Variants in PTPRD observed in about 807,000 individuals in gnomAD.
PTPRD encodes the protein protein tyrosine phosphatase receptor type D.
PTPRD carries 34 observed loss-of-function variants against 214.5 expected under a neutral mutation model. That is an observed-to-expected ratio of 0.16 (90% CI 0.12 to 0.21). The LOEUF is 0.21. Ranked by LOEUF, PTPRD falls within the 10% of genes least tolerant of loss-of-function variation. The probability of loss-of-function intolerance (pLI) is 1.00; values close to 1 mark genes in which losing one functional copy is unlikely to be tolerated. For synonymous variants in PTPRD, 1,128 were observed against 845.7 expected (o/e 1.33, Z -5.79); for missense variants, 2,545 against 2,398.7 (o/e 1.06, Z -1.27).
chr9:8,996,864 G>T (rs2099398882), intron 11 of PTPRD, among the ~76,000 whole-genome samples: 2 of 151,982 alleles, frequency 1.3e-5, no homozygotes. Flanking sequence ...ATAACATTTG[G>T]ACCATAGCAG....
At chr9:10,380,731 T>A (rs886701477) in intron 2 of PTPRD, among the ~76,000 whole-genome samples, 1 of 151,958 alleles carries the variant, frequency 6.6e-6, no homozygotes, top group Admixed American at 6.6e-5. Flanking sequence ...AACATAACCA[T>A]AGAAAAATTA....
At chr9:9,470,825 T>C (rs2146477967) in intron 8 of PTPRD, among the ~76,000 whole-genome samples, 1 of 152,304 alleles carries the variant, frequency 6.6e-6, no homozygotes, top group East Asian at 1.9e-4. Flanking sequence ...CTGTCTCAAA[T>C]GCTAACTTAT....
At chr9:9,429,390 G>C (rs2082194242) in intron 8 of PTPRD, among the ~76,000 whole-genome samples, 1 of 152,148 alleles carries the variant, frequency 6.6e-6, no homozygotes, top group African/African-American at 2.4e-5. Flanking sequence ...AGCAGGCTCT[G>C]AAATTGAGGC....
At chr9:9,237,712 C>T (rs1014549985) in intron 9 of PTPRD, among the ~76,000 whole-genome samples, 1 of 151,880 alleles carries the variant, frequency 6.6e-6, no homozygotes, top group African/African-American at 2.4e-5. Flanking sequence ...TTTTGTAGGC[C>T]TCTCTCTTCT....
At position 8,528,727 on chromosome 9, in the gene PTPRD, C is replaced by T. The variant is rs373979534; in HGVS notation, c.405G>A (p.Lys135=). ...FPTIDMGPQL[K]VVERTRTATM... ...TGGCCGTGCGAGTACGCTCAACCAC[C>T]TTCAACTGTGGGCCCATGTCAATGG... is the stretch of plus-strand genomic sequence containing the variant. The change falls in exon 15 of 46, where the codon AAG becomes AAA. Residue 135 remains lysine, a synonymous_variant. Transcript: ENST00000381196. 8.1e-6 allele frequency: 13 copies of T among 1,613,486 alleles called. No individual in the cohort carries two copies. The highest frequency in any genetic ancestry group is 1.0e-5 in the Non-Finnish European group (12 of 1,179,718).
intron 5 of PTPRD, among the ~76,000 whole-genome samples, chr9:9,928,048 G>T (rs10733554): frequency 0.57 from 85,870 of 151,924 alleles, 27,343 homozygotes; most frequent in East Asian, 0.91. Context: ...TGTGAACAAC[G>T]TTTCATCTTC....
At chr9:9,432,395 TA>T (rs1375996631) in intron 8 of PTPRD, among the ~76,000 whole-genome samples, 2 of 152,160 alleles carry the variant, frequency 1.3e-5, no homozygotes, top group Non-Finnish European at 2.9e-5. Context: ...CCAAAGGAAC[TA>T]AAAGACAAAC....
At chr9:8,687,490 T>A (rs376961757) in intron 12 of PTPRD, among the ~76,000 whole-genome samples, 2 of 152,184 alleles carry the variant, frequency 1.3e-5, no homozygotes, top group African/African-American at 4.8e-5. Flanking sequence ...CTGTGAGGCT[T>A]CTTGCACTTG....
intron 21 of PTPRD, among the ~76,000 whole-genome samples, chr9:8,511,911 C>G (rs1283910883): frequency 6.6e-6 from 1 of 151,936 alleles, no homozygotes; most frequent in African/African-American, 2.4e-5. Context: ...AAAGCAACTC[C>G]AAGACAAGGG....
intron 9 of PTPRD, among the ~76,000 whole-genome samples, chr9:9,282,391 TAAGA>T (rs1364901574): frequency 1.3e-5 from 2 of 151,376 alleles, no homozygotes; most frequent in Non-Finnish European, 3.0e-5. Flanking sequence ...AAATCTGCTC[TAAGA>T]AATACCTTCT....
chr9:9,224,575 C>G (rs577848356), intron 9 of PTPRD, among the ~76,000 whole-genome samples: 2 of 151,944 alleles, frequency 1.3e-5, no homozygotes, highest in African/African-American at 4.8e-5. Context: ...AAAATTTAAA[C>G]TAAAGTCATT....
At chr9:9,489,577 G>A (rs1290126984) in intron 8 of PTPRD, among the ~76,000 whole-genome samples, 1 of 151,974 alleles carries the variant, frequency 6.6e-6, no homozygotes, top group Non-Finnish European at 1.5e-5. Flanking sequence ...AACCTAAAAC[G>A]AAACCTAAAA....
chr9:9,581,544 C>T, intron 7 of PTPRD, among the ~76,000 whole-genome samples: 1 of 152,022 alleles, frequency 6.6e-6, no homozygotes, highest in East Asian at 1.9e-4. Flanking sequence ...TAGACTGTTT[C>T]AGTAAAACCT....
At chr9:8,507,147 G>C (rs1437526967) in intron 22 of PTPRD, among the ~76,000 whole-genome samples, 154 bp downstream of exon 22, 1 of 152,036 alleles carries the variant, frequency 6.6e-6, no homozygotes, top group Non-Finnish European at 1.5e-5. Context: ...TTTCTTGGGG[G>C]GGAGGGGGAG....
At chr9:9,691,079 C>T (rs1247891423) in intron 7 of PTPRD, among the ~76,000 whole-genome samples, 1 of 151,782 alleles carries the variant, frequency 6.6e-6, no homozygotes, top group Non-Finnish European at 1.5e-5. Flanking sequence ...TACAGGCATG[C>T]AATGCATAAT....
At chr9:10,370,859 G>C (rs559761717) in intron 2 of PTPRD, among the ~76,000 whole-genome samples, 13 of 151,896 alleles carry the variant, frequency 8.6e-5, no homozygotes, top group Non-Finnish European at 1.8e-4. Flanking sequence ...CATATAATGA[G>C]TTTCTCTGTG....
intron 2 of PTPRD, among the ~76,000 whole-genome samples, chr9:10,492,402 A>T (rs1022075337): frequency 6.6e-6 from 1 of 151,948 alleles, no homozygotes; most frequent in African/African-American, 2.4e-5. Context: ...AATGATTGCC[A>T]TTCTAGCTGG....
chr9:8,936,957 G>C (rs1432266554), intron 11 of PTPRD, among the ~76,000 whole-genome samples: 1 of 152,148 alleles, frequency 6.6e-6, no homozygotes, highest in Non-Finnish European at 1.5e-5. Flanking sequence ...CATCTAGTAA[G>C]AGGAGCACTT....
At chr9:8,715,032 G>C (rs889774698) in intron 12 of PTPRD, among the ~76,000 whole-genome samples, 4 of 151,222 alleles carry the variant, frequency 2.6e-5, no homozygotes, top group African/African-American at 9.7e-5. Context: ...GTTGCTTAAG[G>C]ACCTATATAC....
Sources: allele counts gnomAD v4.1 joint callset (sites outside exome capture counted in the v4.1 genomes callset), GRCh38; gene constraint gnomAD v4.1.1; transcripts MANE v1.5; gene names NCBI Gene and HGNC (gene_info 2026-07-23, HGNC 2026-07-21).